LPCAT4: variants seen among roughly 807,000 people sequenced by gnomAD.
The protein encoded by LPCAT4 is lysophospholipid acyltransferase LPCAT4.
LPCAT4 carries 30 observed loss-of-function variants against 66.5 expected under a neutral mutation model. The ratio of observed to expected loss-of-function variants is 0.45; its 90% CI spans 0.34 to 0.61. The LOEUF (loss-of-function observed/expected upper bound fraction) is 0.61, where lower values mean the gene tolerates loss of function less well. Among genes scored for constraint, LPCAT4 ranks in the 20% least tolerant of loss-of-function variants. The pLI, the probability that LPCAT4 is intolerant of heterozygous loss-of-function variation, is 0.01. For synonymous variants in LPCAT4, 253 were observed against 262.1 expected, an observed-to-expected ratio of 0.97 and a Z score of 0.34; for missense variants, 557 against 656.7, an observed-to-expected ratio of 0.85 and a Z score of 1.66.
Position 34,363,779 on chromosome 15 carries a change from G to A in LPCAT4, c.653-60C>T. The A allele has an allele frequency of 1.9e-6, 3 of 1,579,766 alleles. No individual in the cohort carries two copies. Among genetic ancestry groups the A allele is most frequent in the Non-Finnish European group, 2.6e-6 (3 of 1,148,804 alleles). On this transcript the variant is annotated intron_variant, in intron 5 of 13. Coordinates refer to ENST00000314891, the MANE Select transcript of LPCAT4 (RefSeq NM_153613.3). The surrounding 1 kb of genome is among the most constrained non-coding windows in gnomAD (Gnocchi z 4.3). ...AGAGGTTAGTACACAGAAGTAGCTA[G>A]AGGGCATGAGGTATGGCAGTCTGGG... is the stretch of plus-strand genomic sequence containing the variant.
rs1373121791 is a variant in LPCAT4, at chr15:34,361,505, C to T, written c.1038G>A (p.Gly346=). Residue 346 remains glycine, a synonymous_variant, in exon 11 of 14, where the codon GGG becomes GGA. Transcript: ENST00000314891. ...AGLSAGYVDA[G]AEPGRSRMIS... is the part of the protein sequence containing the mutation. ...TCATTCGACTCCGGCCTGGCTCTGC[C>T]CCAGCGTCCACATAGCCAGCGGACA... 1.2e-6 allele frequency: 2 copies of T among 1,614,020 alleles called. No individual in the cohort carries two copies. Among genetic ancestry groups the T allele is most frequent in the Admixed American group, 1.7e-5 (1 of 60,024 alleles).
chr15:34,360,428 C>G (rs963324562), intron 11 of LPCAT4, among the ~76,000 whole-genome samples: 2 of 152,222 alleles, frequency 1.3e-5, no homozygotes, highest in Non-Finnish European at 2.9e-5. Flanking sequence ...AAAGCCCTCC[C>G]ATAAAGGGAT....
chr15:34,358,925 T>A lies in LPCAT4; in HGVS notation c.*202A>T, dbSNP rs544590031. Reference sequence around the variant, plus strand: ...CAATATGACTGGACTTCATTTTTTTTAATAGATATAGATATAGATTTATAT... The same window carrying A: ...CAATATGACTGGACTTCATTTTTTTAAATAGATATAGATATAGATTTATAT... On this transcript the variant is annotated 3_prime_UTR_variant, in exon 14 of 14. Transcript: ENST00000314891. The A allele has an allele frequency of 1.7e-3, 387 of 229,054 alleles. 1 individual carries two copies. The highest frequency in any genetic ancestry group is 7.7e-3 in the African/African-American group (337 of 43,810). The allele number at this position is 229,054 out of a possible 1,614,324, so 14.2% of individuals were successfully genotyped here.
Position 34,367,004 on chromosome 15 carries a change from G to T in LPCAT4, c.97C>A (p.Arg33Ser). Reference sequence around the variant, plus strand: ...CACATTACCTTAACCCTCTGGAGGCGAGAGAGATGTAACTCATGCACGAAG... The same window carrying T: ...CACATTACCTTAACCCTCTGGAGGCTAGAGAGATGTAACTCATGCACGAAG... ...NPFVHELHLS[R>S]LQRVKFCLLG... The change falls in exon 1 of 14, where the codon CGC becomes AGC. Residue 33 changes from arginine (R) to serine (S), a missense_variant. Physicochemically the swap from Arg to Ser is moderately radical, Grantham distance 110. Coordinates refer to ENST00000314891, the MANE Select transcript of LPCAT4 (RefSeq NM_153613.3). The T allele has an allele frequency of 6.4e-7, 1 of 1,552,576 alleles. No homozygotes were observed.
In LPCAT4 at chr15:34,365,164, G is replaced by A. The variant is rs546187229; in HGVS notation, c.322C>T (p.Arg108Trp). 186 of 1,614,140 alleles carry A rather than the reference G, an allele frequency of 1.2e-4. No homozygotes were observed. The South Asian group carries it at 1.9e-3, about 16-fold the overall frequency. ...GCTCGCTGGCCACGAACGCGAATCC[G>A]GAGGAAGCCCAGCAGGAAAAACAGC... ...RLLFFLLGFL[R>W]IRVRGQRASR... The change falls in exon 3 of 14, where the codon CGG becomes TGG. Residue 108 changes from arginine to tryptophan, a missense_variant. This residue lies in a region of LPCAT4 where 65 missense variants were observed against 83.5 expected (regional missense o/e 0.78). Transcript: ENST00000314891.
rs1021899515 is a variant in LPCAT4, at chr15:34,362,763, G to A, written c.801+19C>T. Reference sequence around the variant, plus strand: ...GAGTCTGAGATGTACTTCTCCCACCGCCCCCACGGGAGCCATACCTCCACA... The same window carrying A: ...GAGTCTGAGATGTACTTCTCCCACCACCCCCACGGGAGCCATACCTCCACA... On this transcript the variant is annotated intron_variant, in intron 8 of 13. Transcript: ENST00000314891. 5.0e-6 allele frequency: 8 copies of A among 1,613,624 alleles called. No homozygotes were observed. The highest frequency in any genetic ancestry group is 4.0e-5 in the African/African-American group (3 of 74,870).
At position 34,362,664 on chromosome 15, in the gene LPCAT4, C is replaced by T. The variant is rs374544640; in HGVS notation, c.802-9G>A. The T allele has an allele frequency of 4.4e-6, 7 of 1,605,870 alleles. No homozygotes were observed. The highest frequency in any genetic ancestry group is 6.0e-6 in the Non-Finnish European group (7 of 1,174,648). ...TGATACACAGGAAGGAACTGAAACA[C>T]AGACACACACAATTCTTATCAGAAC... On this transcript the variant is annotated splice_polypyrimidine_tract_variant and intron_variant, in intron 8 of 13. Transcript: ENST00000314891.
intron 9 of LPCAT4, 31 bp downstream of exon 9, chr15:34,362,542 T>C (rs778671592): frequency 2.6e-6 from 4 of 1,528,866 alleles, no homozygotes; most frequent in Non-Finnish European, 3.5e-6. Context: ...CCTGTGCAAC[T>C]GCTCCAGGAA....
chr15:34,361,498 G>T lies in LPCAT4; in HGVS notation c.1045C>A (p.Pro349Thr). ...TGGCTGATCATTCGACTCCGGCCTG[G>T]CTCTGCCCCAGCGTCCACATAGCCA... Reference protein sequence around the residue: ...SAGYVDAGAEPGRSRMISQEE... With the variant: ...SAGYVDAGAETGRSRMISQEE... The change falls in exon 11 of 14, where the codon CCA becomes ACA. Residue 349 changes from proline (P) to threonine (T), a missense_variant. This residue lies in a region of LPCAT4 where 392 missense variants were observed against 473.9 expected (regional missense o/e 0.83). Transcript: ENST00000314891. 6.2e-7 allele frequency: 1 copy of T among 1,614,010 alleles called. No individual in the cohort carries two copies. The highest frequency in any genetic ancestry group is 8.5e-7 in the Non-Finnish European group (1 of 1,180,030).
At chr15:34,362,922 C>A in intron 7 of LPCAT4, 86 bp from the exon 8 acceptor site, 1 of 1,352,856 alleles carries the variant, frequency 7.4e-7, no homozygotes, top group Non-Finnish European at 1.0e-6. Flanking sequence ...CTTCCCCAAC[C>A]CAGGTGGGGA....
Position 34,363,918 on chromosome 15 carries a change from TC to T in LPCAT4, c.652+94del. The T allele has an allele frequency of 7.2e-7, 1 of 1,386,720 alleles. No individual in the cohort carries two copies. Among genetic ancestry groups the T allele is most frequent in the Non-Finnish European group, 1.0e-6 (1 of 984,112 alleles). The allele number at this position is 1,386,720 out of a possible 1,614,324, so 85.9% of individuals were successfully genotyped here. ...CTGGTCTCCCTTCCTCTCCCATCCCTCCCCCTCTTCTACTTCTTGGGTTATT... is the reference window on the plus strand; with the variant it reads ...CTGGTCTCCCTTCCTCTCCCATCCCTCCCCTCTTCTACTTCTTGGGTTATT... On this transcript the variant is annotated intron_variant, in intron 5 of 13. Coordinates refer to ENST00000314891, the MANE Select transcript of LPCAT4 (RefSeq NM_153613.3). This position sits in a 1 kb window ranked among gnomAD's most constrained non-coding sequence, Gnocchi z 4.3.
intron 11 of LPCAT4, 113 bp from the exon 12 acceptor site, chr15:34,360,322 G>T: frequency 1.3e-6 from 1 of 770,146 alleles, no homozygotes; most frequent in Non-Finnish European, 2.2e-6. Flanking sequence ...CCCTGTGACT[G>T]CTCCCCTCAG....
At chr15:34,364,470 C>T in intron 3 of LPCAT4, 164 bp from the exon 4 acceptor site, 2 of 567,024 alleles carry the variant, frequency 3.5e-6, no homozygotes, top group South Asian at 4.2e-5. Context: ...GTTGCCCAGG[C>T]TGGAGTGCAA....
In LPCAT4 at chr15:34,359,163, A is replaced by G. The variant is rs1890879532; in HGVS notation, c.1539T>C (p.Asn513=). Residue 513 remains asparagine (N), a synonymous_variant, in exon 14 of 14, where the codon AAT becomes AAC. Coordinates refer to ENST00000314891, the MANE Select transcript of LPCAT4 (RefSeq NM_153613.3). ...SSPGNPTALA[N]GTVQAPKQKG... ...TCTGCTTGGGTGCTTGCACAGTCCC[A>G]TTGGCCAGAGCAGTGGGGTTGCCTG... is the stretch of plus-strand genomic sequence containing the variant. 1 of 1,607,118 alleles carries G rather than the reference A, an allele frequency of 6.2e-7. No homozygotes were observed. Among genetic ancestry groups the G allele is most frequent in the South Asian group, 1.1e-5 (1 of 89,326 alleles).
At position 34,366,974 on chromosome 15, in the gene LPCAT4, C is replaced by A. The variant is rs755185396; in HGVS notation, c.114+13G>T. The A allele has an allele frequency of 2.6e-6, 4 of 1,553,140 alleles. 1 individual carries two copies. In the South Asian group the frequency reaches 4.7e-5, roughly 18 times the overall value. Reference sequence around the variant, plus strand: ...CTCACGGGTCCTTCCGACGCCCGCTCCCCACACATTACCTTAACCCTCTGG... The same window carrying A: ...CTCACGGGTCCTTCCGACGCCCGCTACCCACACATTACCTTAACCCTCTGG... On this transcript the variant is annotated intron_variant, in intron 1 of 13. Transcript: ENST00000314891.
intron 11 of LPCAT4, 77 bp from the exon 12 acceptor site, chr15:34,360,286 T>C: frequency 9.1e-7 from 1 of 1,103,970 alleles, no homozygotes; most frequent in Non-Finnish European, 1.4e-6. Flanking sequence ...GACTCCTCCC[T>C]CTTCTCAGCA....
At chr15:34,362,475 G>A (rs1890970097) in intron 9 of LPCAT4, 98 bp downstream of exon 9, 6 of 1,401,574 alleles carry the variant, frequency 4.3e-6, no homozygotes, top group Non-Finnish European at 5.9e-6. Flanking sequence ...CCCACTGCCT[G>A]CTCCTCGATC....
intron 9 of LPCAT4, 99 bp from the exon 10 acceptor site, chr15:34,362,420 C>T (rs1010495095): frequency 1.5e-5 from 23 of 1,486,044 alleles, no homozygotes; most frequent in Non-Finnish European, 1.5e-5. Flanking sequence ...TAGATCAGGC[C>T]CCTTTAAATC....
chr15:34,359,399 C>T, intron 13 of LPCAT4, 97 bp from the exon 14 acceptor site: 2 of 1,343,978 alleles, frequency 1.5e-6, no homozygotes, highest in Non-Finnish European at 1.0e-6. Context: ...TGTGCCTCTA[C>T]TCTGTTTAAC....
Sources: allele counts gnomAD v4.1 joint callset (sites outside exome capture counted in the v4.1 genomes callset), GRCh38; gene constraint gnomAD v4.1.1; regional missense constraint gnomAD v4.1.1; non-coding constraint Gnocchi (gnomAD v3.1); transcripts MANE v1.5; gene names NCBI Gene and HGNC (gene_info 2026-07-23, HGNC 2026-07-21).